Variants in DCDC1 observed in about 807,000 individuals in gnomAD.
DCDC1 encodes doublecortin domain containing 1.
A neutral mutation model predicts 178.3 loss-of-function variants in DCDC1; 200 were observed. The observed-to-expected ratio is 1.12, with a 90% CI of 1.00 to 1.26. The LOEUF is 1.26. Ranked by LOEUF, DCDC1 falls within the 50% of genes most tolerant of loss-of-function variation. The pLI, the probability that DCDC1 is intolerant of heterozygous loss-of-function variation, is 0.00. For missense variants in DCDC1, 1,983 were observed against 1,749.2 expected, an observed-to-expected ratio of 1.13 and a Z score of -2.38; for synonymous variants, 690 against 604.8, an observed-to-expected ratio of 1.14 and a Z score of -2.07.
chr11:31,080,327 T>G (rs1399663853), intron 17 of DCDC1, among the ~76,000 whole-genome samples: 1 of 152,144 alleles, frequency 6.6e-6, no homozygotes, highest in African/African-American at 2.4e-5. Context: ...ATCACAGCAC[T>G]AGTTATTATA....
chr11:30,888,110 G>GAAAGAA (rs1565029917), intron 36 of DCDC1, among the ~76,000 whole-genome samples: 2 of 105,930 alleles, frequency 1.9e-5, no homozygotes, highest in South Asian at 6.1e-4. Context: ...AAGAAAGAAA[G>GAAAGAA]AAAGAAAGAA....
At chr11:31,004,681 C>CAAA (rs201483189) in intron 20 of DCDC1, among the ~76,000 whole-genome samples, 6 of 72,504 alleles carry the variant, frequency 8.3e-5, no homozygotes, top group African/African-American at 2.0e-4. Flanking sequence ...CACTCTGTCT[C>CAAA]AAAAAAAAAA....
chr11:30,874,526 A>G (rs627404), intron 38 of DCDC1, among the ~76,000 whole-genome samples: 2,432 of 152,272 alleles, frequency 0.016, 71 homozygotes, highest in African/African-American at 0.056. Context: ...GGAGGAGGGA[A>G]GAGGGAGAAA....
intron 9 of DCDC1, among the ~76,000 whole-genome samples, chr11:31,166,838 C>A (rs1344432476): frequency 6.6e-6 from 1 of 152,090 alleles, no homozygotes; most frequent in Non-Finnish European, 1.5e-5. Context: ...GCTCTTTATG[C>A]CCCACCAAGC....
intron 3 of DCDC1, chr11:31,314,433 A>G (rs1473157734): frequency 6.6e-6 from 1 of 152,166 alleles, no homozygotes; most frequent in Non-Finnish European, 1.5e-5. Flanking sequence ...GCTTAAAATA[A>G]CATCTATTTA....
chr11:31,290,792 T>A lies in DCDC1; in HGVS notation c.815A>T (p.Asp272Val). Residue 272 changes from aspartate to valine, a missense_variant, in exon 7 of 39, where the codon GAT becomes GTT. Transcript: ENST00000684477. ...AGGCTTGGTTTTCCGTCTTTTGATA[T>A]CAGTAGGAAGCATCAACCCATTCAT... ...WTMNGLMLPT[D>V]IKRRKTKPVL... The A allele has an allele frequency of 1.2e-6, 2 of 1,613,496 alleles. No individual in the cohort carries two copies. The highest frequency in any genetic ancestry group is 1.7e-4 in the Middle Eastern group (1 of 6,060).
intron 20 of DCDC1, among the ~76,000 whole-genome samples, chr11:30,968,299 G>C (rs1004463320): frequency 6.6e-6 from 1 of 152,116 alleles, no homozygotes; most frequent in African/African-American, 2.4e-5. Context: ...ATTCAGAACA[G>C]TGTCTAGCCC....
chr11:31,208,134 T>C (rs1282023929), intron 9 of DCDC1, among the ~76,000 whole-genome samples: 1 of 152,206 alleles, frequency 6.6e-6, no homozygotes, highest in Non-Finnish European at 1.5e-5. Flanking sequence ...TTACTATCTA[T>C]ATATTAATAG....
intron 9 of DCDC1, among the ~76,000 whole-genome samples, chr11:31,171,157 A>G (rs1389314231): frequency 6.6e-6 from 1 of 152,148 alleles, no homozygotes; most frequent in Non-Finnish European, 1.5e-5. Context: ...TGACAGTTCT[A>G]TACCAGAATC....
At chr11:30,947,494 G>A (rs1948124168) in intron 21 of DCDC1, among the ~76,000 whole-genome samples, 4 of 152,060 alleles carry the variant, frequency 2.6e-5, no homozygotes. Context: ...GGTGCTGGGG[G>A]AAAATGGATA....
chr11:30,927,940 A>T (rs1946689833), intron 22 of DCDC1, among the ~76,000 whole-genome samples: 1 of 152,130 alleles, frequency 6.6e-6, no homozygotes, highest in African/African-American at 2.4e-5. Flanking sequence ...AAAAATACTG[A>T]TTAAAAAAAA....
chr11:31,324,835 T>C (rs1329021928), intron 3 of DCDC1, among the ~76,000 whole-genome samples: 1 of 152,158 alleles, frequency 6.6e-6, no homozygotes, highest in Non-Finnish European at 1.5e-5. Context: ...TTGAATAGAT[T>C]AGGTGTCTGT....
chr11:30,868,242 C>CTTTTT (rs35180579), intron 38 of DCDC1, among the ~76,000 whole-genome samples: 4 of 61,076 alleles, frequency 6.5e-5, no homozygotes, highest in Admixed American at 1.9e-4. Context: ...TTCATACCTG[C>CTTTTT]TTTTTTTTTT....
At chr11:31,177,201 G>T (rs1031747641) in intron 9 of DCDC1, among the ~76,000 whole-genome samples, 1 of 151,866 alleles carries the variant, frequency 6.6e-6, no homozygotes, top group African/African-American at 2.4e-5. Flanking sequence ...TGAGACCAAA[G>T]GCGATTTGCT....
intron 8 of DCDC1, among the ~76,000 whole-genome samples, chr11:31,253,643 C>T (rs898663606): frequency 6.6e-6 from 1 of 152,122 alleles, no homozygotes; most frequent in Non-Finnish European, 1.5e-5. Flanking sequence ...ACTTTGCAGG[C>T]TGACCTGCCT....
chr11:30,986,702 T>C (rs1950667420), intron 20 of DCDC1, among the ~76,000 whole-genome samples: 1 of 152,164 alleles, frequency 6.6e-6, no homozygotes, highest in African/African-American at 2.4e-5. Flanking sequence ...GTATTTTGGC[T>C]AACCTGTTTC....
At chr11:30,901,033 T>C (rs968618169) in intron 32 of DCDC1, among the ~76,000 whole-genome samples, 5 of 152,158 alleles carry the variant, frequency 3.3e-5, no homozygotes, top group Admixed American at 2.0e-4. Flanking sequence ...ACCTTGTTTT[T>C]ACTTGCTAGA....
At chr11:31,173,749 C>T (rs1410534819) in intron 9 of DCDC1, among the ~76,000 whole-genome samples, 1 of 109,522 alleles carries the variant, frequency 9.1e-6, no homozygotes, top group South Asian at 3.6e-4. Context: ...CACACACACA[C>T]ACACACACAA....
chr11:30,958,116 G>C (rs1301810680), intron 20 of DCDC1, among the ~76,000 whole-genome samples: 4 of 152,174 alleles, frequency 2.6e-5, no homozygotes, highest in Admixed American at 6.6e-5. Flanking sequence ...TTTGTAGAAA[G>C]TATAGGTAAC....
Sources: allele counts gnomAD v4.1 joint callset (sites outside exome capture counted in the v4.1 genomes callset), GRCh38; gene constraint gnomAD v4.1.1; transcripts MANE v1.5; gene names NCBI Gene and HGNC (gene_info 2026-07-23, HGNC 2026-07-21).